RHBDD1: variants seen among roughly 807,000 people sequenced by gnomAD.
RHBDD1 encodes rhomboid domain containing 1, also known as rhomboid-related protein 4.
Under a neutral mutation model 36.3 loss-of-function variants are expected in RHBDD1, and 38 were observed. That is an observed-to-expected ratio of 1.05 (90% CI 0.81 to 1.37). The LOEUF (loss-of-function observed/expected upper bound fraction) is 1.37. Among genes scored for constraint, RHBDD1 ranks in the 40% most tolerant of loss-of-function variants. The pLI is 0.00. For synonymous variants in RHBDD1, 151 were observed against 136.5 expected (o/e 1.11, Z -0.74); for missense variants, 393 against 377.6 (o/e 1.04, Z -0.34).
intron 3 of RHBDD1, among the ~76,000 whole-genome samples, chr2:226,840,089 GTAGT>G (rs1158336930): frequency 6.6e-6 from 1 of 152,172 alleles, no homozygotes; most frequent in African/African-American, 2.4e-5. Context: ...ACTAATAGTG[GTAGT>G]TAGTGATATT....
At chr2:226,910,480 G>A (rs1043609758) in intron 7 of RHBDD1, among the ~76,000 whole-genome samples, 5 of 151,978 alleles carry the variant, frequency 3.3e-5, no homozygotes, top group Admixed American at 3.3e-4. Context: ...GTCCTTAGCT[G>A]GAAAAGTCTT....
intron 5 of RHBDD1, among the ~76,000 whole-genome samples, chr2:226,882,168 G>T (rs927615381): frequency 4.6e-5 from 7 of 152,078 alleles, no homozygotes; most frequent in African/African-American, 1.7e-4. Context: ...AGTGGCTCAC[G>T]CCTGTAATCC....
chr2:226,878,458 AG>A (rs1169979875), intron 5 of RHBDD1, among the ~76,000 whole-genome samples: 1 of 152,226 alleles, frequency 6.6e-6, no homozygotes, highest in Non-Finnish European at 1.5e-5. Flanking sequence ...TGTAACCAAT[AG>A]AATCCAGTGT....
intron 5 of RHBDD1, among the ~76,000 whole-genome samples, chr2:226,882,501 G>A (rs900664212): frequency 6.7e-6 from 1 of 148,840 alleles, no homozygotes; most frequent in Non-Finnish European, 1.5e-5. Flanking sequence ...GTTGTTTTTT[G>A]TGGGAGATAG....
In RHBDD1 at chr2:226,956,305, G is replaced by A. The variant is rs142595814; in HGVS notation, c.857-39126G>A. On this transcript the variant is annotated intron_variant, in intron 8 of 8. Transcript: ENST00000392062. ...TTCTCCCTAGAGTCACATATTATTA[G>A]CATTGATGTAGTCCCCTCTGCTAGC... Among the ~76,000 whole-genome samples, 466 of 152,220 alleles carry A rather than the reference G, an allele frequency of 3.1e-3. 5 individuals are homozygous for A. The highest frequency in any genetic ancestry group is 0.019 in the South Asian group (89 of 4,810).
chr2:226,955,665 G>A (rs1025012281), intron 8 of RHBDD1, among the ~76,000 whole-genome samples: 18 of 152,330 alleles, frequency 1.2e-4, no homozygotes, highest in African/African-American at 4.3e-4. Context: ...CAAGGCACCA[G>A]CAGGCTTGGT....
chr2:226,907,017 G>A (rs767375974), intron 6 of RHBDD1, 136 bp downstream of exon 6: 20 of 903,844 alleles, frequency 2.2e-5, no homozygotes, highest in African/African-American at 3.3e-5. Flanking sequence ...TTTTTAAACC[G>A]AAAGGTAAAA....
At chr2:226,955,952 A>G (rs1951761446) in intron 8 of RHBDD1, among the ~76,000 whole-genome samples, 1 of 152,170 alleles carries the variant, frequency 6.6e-6, no homozygotes, top group East Asian at 1.9e-4. Context: ...ACGATTATCT[A>G]CCGAGTGCTT....
At chr2:226,860,011 A>T (rs1388520341) in intron 3 of RHBDD1, among the ~76,000 whole-genome samples, 1 of 101,112 alleles carries the variant, frequency 9.9e-6, no homozygotes, top group African/African-American at 8.4e-5. Flanking sequence ...TAGATTGATA[A>T]AAAAAAACTG....
rs1559179419 is a variant in RHBDD1 at position 226,839,611 on chromosome 2, T to C, written c.-107T>C. The C allele has an allele frequency of 6.6e-6, 1 of 152,114 alleles. No individual in the cohort carries two copies. The highest frequency in any genetic ancestry group is 1.5e-5 in the Non-Finnish European group (1 of 68,024). 9.4% of individuals were successfully genotyped at this position (152,114 alleles called of 1,614,324 possible). A position where few individuals can be genotyped will look rare whatever the true frequency, so the allele number is the denominator to read the frequency against. ...GGCATGAGCTATACCTAAAACGTAATGGTATTAAGAATTCTGGTAAGTGGG... is the reference window on the plus strand; with the variant it reads ...GGCATGAGCTATACCTAAAACGTAACGGTATTAAGAATTCTGGTAAGTGGG... On this transcript the variant is annotated 5_prime_UTR_variant, in exon 3 of 9. An upstream start codon of the reference 5' UTR is lost. Transcript: ENST00000392062.
intron 3 of RHBDD1, among the ~76,000 whole-genome samples, chr2:226,855,520 T>C (rs1164328813): frequency 1.3e-5 from 2 of 152,122 alleles, no homozygotes; most frequent in Non-Finnish European, 2.9e-5. Flanking sequence ...CAAAAAACCC[T>C]CTAGGTTTGA....
At chr2:226,851,469 C>T (rs964092884) in intron 3 of RHBDD1, among the ~76,000 whole-genome samples, 5 of 151,878 alleles carry the variant, frequency 3.3e-5, no homozygotes, top group African/African-American at 1.2e-4. Context: ...ATCTAGGAGC[C>T]GAATTAGGAT....
At chr2:226,876,030 G>A (rs747391975) in intron 5 of RHBDD1, among the ~76,000 whole-genome samples, 4 of 152,194 alleles carry the variant, frequency 2.6e-5, no homozygotes, top group Non-Finnish European at 5.9e-5. Flanking sequence ...ATGCAGCAAT[G>A]TACAGAACAA....
rs374371418 is a variant in RHBDD1, at chr2:226,864,699, A to G, written c.6A>G (p.Gln2=). 29 of 1,613,088 alleles carry G rather than the reference A, an allele frequency of 1.8e-5. No individual in the cohort carries two copies. The highest frequency in any genetic ancestry group is 1.2e-4 in the African/African-American group (9 of 75,046). The part of the protein sequence containing the change: M[Q]RRSRGINTGL... ...TGTTTCCCTGATATCTGGCCATGCA[A>G]CGGAGATCAAGAGGGATAAATACTG... is the stretch of plus-strand genomic sequence containing the variant. Residue 2 remains glutamine (Q), a synonymous_variant, in exon 4 of 9, where the codon CAA becomes CAG. Coordinates refer to ENST00000392062, the MANE Select transcript of RHBDD1 (RefSeq NM_001167608.3).
intron 5 of RHBDD1, among the ~76,000 whole-genome samples, chr2:226,898,260 G>T (rs1487093638): frequency 6.6e-6 from 1 of 152,164 alleles, no homozygotes; most frequent in Non-Finnish European, 1.5e-5. Context: ...GCAGGCGTAG[G>T]GACATGGAAT....
chr2:226,863,393 A>G (rs1207443961), intron 3 of RHBDD1, among the ~76,000 whole-genome samples: 1 of 152,234 alleles, frequency 6.6e-6, no homozygotes, highest in Non-Finnish European at 1.5e-5. Flanking sequence ...GGAGGGACAA[A>G]CACCTAAACC....
At chr2:226,881,806 C>T (rs902678889) in intron 5 of RHBDD1, among the ~76,000 whole-genome samples, 2 of 152,158 alleles carry the variant, frequency 1.3e-5, no homozygotes, top group African/African-American at 4.8e-5. Flanking sequence ...ACTGCTGTTG[C>T]TTACCGTTCT....
the RHBDD1 span, among the ~76,000 whole-genome samples, chr2:226,819,977 GTT>G: frequency 0.066 from 7,839 of 118,500 alleles, 187 homozygotes; most frequent in Middle Eastern, 0.16. Context: ...TATTGTGTGT[GTT>G]TTTTTTTTTT....
chr2:226,877,739 A>G (rs535949938), intron 5 of RHBDD1, among the ~76,000 whole-genome samples: 1 of 152,172 alleles, frequency 6.6e-6, no homozygotes, highest in East Asian at 1.9e-4. Context: ...TGTATTTCAC[A>G]TTTCATCACA....
Sources: allele counts gnomAD v4.1 joint callset (sites outside exome capture counted in the v4.1 genomes callset), GRCh38; gene constraint gnomAD v4.1.1; transcripts MANE v1.5; gene names NCBI Gene and HGNC (gene_info 2026-07-23, HGNC 2026-07-21).